Variants in CDH10 observed in about 807,000 individuals in gnomAD.
CDH10 encodes the protein cadherin 10, also known as cadherin-10.
In CDH10, 30 loss-of-function variants were observed where a neutral mutation model predicts 73.1. The ratio of observed to expected loss-of-function variants is 0.41; its 90% CI spans 0.31 to 0.56. The LOEUF (loss-of-function observed/expected upper bound fraction) is 0.56. CDH10 is among the 20% of genes least tolerant of loss of function. The probability of loss-of-function intolerance (pLI) is 0.27; values close to 1 mark genes in which losing one functional copy is unlikely to be tolerated. For missense variants in CDH10, 815 were observed against 973.7 expected (o/e 0.84, Z 2.17); for synonymous variants, 345 against 348.2 (o/e 0.99, Z 0.10).
At chr5:24,602,848 C>G (rs1030225580) in intron 1 of CDH10, among the ~76,000 whole-genome samples, 8 of 152,084 alleles carry the variant, frequency 5.3e-5, no homozygotes, top group African/African-American at 1.7e-4. Flanking sequence ...TCCCCTAACT[C>G]AGCTATGGAA....
rs78483056 is a variant in CDH10, at chr5:24,638,486, C to G, written c.-124+6108G>C. Among the ~76,000 whole-genome samples, 1,368 of 151,838 alleles carry G rather than the reference C, an allele frequency of 9.0e-3. 13 individuals are homozygous for G. The highest frequency in any genetic ancestry group is 0.013 in the Non-Finnish European group (900 of 67,802). ...AGTGACAGTGCCTCTAAGTATATGT[C>G]TGTGCTTAGGATTCATTTTTTAACT... is the stretch of plus-strand genomic sequence containing the variant. On this transcript the variant is annotated intron_variant, in intron 1 of 11. Coordinates refer to ENST00000264463, the MANE Select transcript of CDH10 (RefSeq NM_006727.5).
chr5:24,504,506 C>CTGTTTTTTTTTTTTTTTTTT lies in CDH10; in HGVS notation c.1393+605_1393+606insAAAAAAAAAAAAAAAAAACA, dbSNP rs1554016940. Among the ~76,000 whole-genome samples the CTGTTTTTTTTTTTTTTTTTT allele has an allele frequency of 5.5e-4, 36 of 65,164 alleles. 16 individuals carry two copies. Among genetic ancestry groups the CTGTTTTTTTTTTTTTTTTTT allele is most frequent in the East Asian group, 1.6e-3 (3 of 1,840 alleles). 42.8% of individuals were successfully genotyped at this position (65,164 alleles called of 152,430 possible). A position where few individuals can be genotyped will look rare whatever the true frequency, so the allele number is the denominator to read the frequency against. On this transcript the variant is annotated intron_variant, in intron 8 of 11. Transcript: ENST00000264463. ...TATTAAATGCTTTTCTCCTATTAAT[C>CTGTTTTTTTTTTTTTTTTTT]TTTTTTTTTTTTTTTTTTTTTTTTT...
intron 8 of CDH10, among the ~76,000 whole-genome samples, chr5:24,503,644 C>G (rs1175199194): frequency 6.6e-6 from 1 of 152,136 alleles, no homozygotes; most frequent in African/African-American, 2.4e-5. Flanking sequence ...TGTAAATTAG[C>G]TATGGAATTA....
chr5:24,623,910 C>A (rs993677722), intron 1 of CDH10, among the ~76,000 whole-genome samples: 2 of 152,058 alleles, frequency 1.3e-5, no homozygotes, highest in Non-Finnish European at 2.9e-5. Context: ...GTTTTCTGAA[C>A]TGTACCTTAT....
intron 1 of CDH10, among the ~76,000 whole-genome samples, chr5:24,628,842 C>T (rs1186106929): frequency 9.5e-6 from 1 of 105,532 alleles, no homozygotes; most frequent in Non-Finnish European, 2.0e-5. Flanking sequence ...CGCTCCCCAC[C>T]TTGACACACA....
At chr5:24,542,731 A>G (rs1412149614) in intron 2 of CDH10, among the ~76,000 whole-genome samples, 1 of 152,208 alleles carries the variant, frequency 6.6e-6, no homozygotes, top group Non-Finnish European at 1.5e-5. Flanking sequence ...AGGTGCCAAC[A>G]GATTCAATGT....
rs1748057217 is a variant in CDH10, at chr5:24,641,762, T to G, written c.-124+2832A>C. ...TGAGGAAATGTTTCTTGCTACTTGG[T>G]TTTTAACTTCAATCTATTCCAGACA... On this transcript the variant is annotated intron_variant, in intron 1 of 11. Coordinates refer to ENST00000264463, the MANE Select transcript of CDH10 (RefSeq NM_006727.5). 2.0e-5 allele frequency among the ~76,000 whole-genome samples: 3 copies of G among 152,094 alleles called. No homozygotes were observed. In the South Asian group the frequency reaches 6.2e-4, roughly 31 times the overall value.
At chr5:24,506,251 A>T (rs1416652887) in intron 7 of CDH10, among the ~76,000 whole-genome samples, 2 of 152,218 alleles carry the variant, frequency 1.3e-5, no homozygotes, top group African/African-American at 2.4e-5. Flanking sequence ...CTGCAACTTG[A>T]TTGCCAGCAT....
chr5:24,568,622 T>C (rs975755834), intron 2 of CDH10, among the ~76,000 whole-genome samples: 3 of 152,122 alleles, frequency 2.0e-5, no homozygotes, highest in Non-Finnish European at 4.4e-5. Flanking sequence ...AATTACCACA[T>C]GATCCAGTAA....
chr5:24,583,461 CAT>C (rs1262524192), intron 2 of CDH10, among the ~76,000 whole-genome samples: 2 of 151,948 alleles, frequency 1.3e-5, no homozygotes, highest in African/African-American at 4.8e-5. Context: ...ATAATAAACA[CAT>C]AATGGCTATG....
intron 2 of CDH10, among the ~76,000 whole-genome samples, chr5:24,587,697 C>T (rs7708190): frequency 0.058 from 8,680 of 150,770 alleles, 363 homozygotes; most frequent in African/African-American, 0.11. Flanking sequence ...TTTAAAAATT[C>T]TGTATGTGAA....
chr5:24,609,592 A>G (rs1475408018), intron 1 of CDH10, among the ~76,000 whole-genome samples: 1 of 152,200 alleles, frequency 6.6e-6, no homozygotes, highest in Non-Finnish European at 1.5e-5. Flanking sequence ...CACAACTCTG[A>G]AAGTGTCTAT....
chr5:24,605,273 C>G (rs553981707), intron 1 of CDH10, among the ~76,000 whole-genome samples: 1 of 152,162 alleles, frequency 6.6e-6, no homozygotes, highest in Non-Finnish European at 1.5e-5. Context: ...TGTTAGGAAC[C>G]GGGCCACACA....
intron 1 of CDH10, among the ~76,000 whole-genome samples, chr5:24,617,133 G>T (rs1420550513): frequency 6.6e-6 from 1 of 151,986 alleles, no homozygotes; most frequent in African/African-American, 2.4e-5. Flanking sequence ...TGAGACTTTG[G>T]ACTAGACAAT....
rs72749788 is a variant in CDH10, at chr5:24,556,254, T to C, written c.232-18580A>G. Among the ~76,000 whole-genome samples the C allele has an allele frequency of 3.3e-3, 509 of 152,256 alleles. 1 individual carries two copies. The highest frequency in any genetic ancestry group is 0.014 in the Middle Eastern group (4 of 294). Reference sequence around the variant, plus strand: ...TTATTGATTTGATGTATCATCAGGTTGTTCCTTGTGCTTCTAATCTATACT... The same window carrying C: ...TTATTGATTTGATGTATCATCAGGTCGTTCCTTGTGCTTCTAATCTATACT... On this transcript the variant is annotated intron_variant, in intron 2 of 11. Transcript: ENST00000264463.
chr5:24,580,941 G>A (rs1350065533), intron 2 of CDH10, among the ~76,000 whole-genome samples: 1 of 151,950 alleles, frequency 6.6e-6, no homozygotes, highest in African/African-American at 2.4e-5. Context: ...TGACTCTCTT[G>A]CTTCACTCTT....
At chr5:24,530,198 G>A (rs1743687051) in intron 5 of CDH10, among the ~76,000 whole-genome samples, 1 of 150,944 alleles carries the variant, frequency 6.6e-6, no homozygotes. Context: ...GACATTCTCT[G>A]GAGTGTTAAG....
chr5:24,582,186 A>G (rs958264355), intron 2 of CDH10, among the ~76,000 whole-genome samples: 2 of 152,128 alleles, frequency 1.3e-5, no homozygotes, highest in African/African-American at 4.8e-5. Flanking sequence ...AAACTAGGGG[A>G]AGAGGCCACT....
chr5:24,525,593 T>G (rs575449391), intron 5 of CDH10, among the ~76,000 whole-genome samples: 1 of 151,940 alleles, frequency 6.6e-6, no homozygotes, highest in Non-Finnish European at 1.5e-5. Flanking sequence ...GTTAAGGAAA[T>G]TATGCAATGC....
Sources: gnomAD v4.1 joint callset for allele counts (sites outside exome capture counted in the v4.1 genomes callset) on GRCh38, gnomAD v4.1.1 for gene constraint, MANE v1.5 for transcripts, NCBI Gene and HGNC (gene_info 2026-07-23, HGNC 2026-07-21) for gene names.